Variants in THSD7B observed in about 807,000 individuals in gnomAD.
The protein encoded by THSD7B is thrombospondin type 1 domain containing 7B, also known as thrombospondin type-1 domain-containing protein 7B.
Under a neutral mutation model 213.6 loss-of-function variants are expected in THSD7B, and 138 were observed. The observed-to-expected ratio is 0.65, with a 90% CI of 0.56 to 0.74. THSD7B has a LOEUF of 0.74. THSD7B is among the 30% of genes least tolerant of loss of function. The probability of loss-of-function intolerance (pLI) is 0.00; values close to 1 mark genes in which losing one functional copy is unlikely to be tolerated. For synonymous variants in THSD7B, 742 were observed against 687.0 expected (o/e 1.08, Z -1.25); for missense variants, 1,931 against 1,991.5 (o/e 0.97, Z 0.58).
intron 2 of THSD7B, among the ~76,000 whole-genome samples, chr2:136,957,636 G>T (rs759663951): frequency 6.6e-6 from 1 of 152,024 alleles, no homozygotes; most frequent in Non-Finnish European, 1.5e-5. Flanking sequence ...TACATAATGC[G>T]ATAGAAACAA....
chr2:137,361,637 T>A (rs1206955874), intron 12 of THSD7B, among the ~76,000 whole-genome samples: 1 of 152,088 alleles, frequency 6.6e-6, no homozygotes, highest in Non-Finnish European at 1.5e-5. Context: ...GTATAAGTGA[T>A]TGAAGATCAA....
chr2:137,635,829 G>A (rs1014589904), intron 20 of THSD7B, among the ~76,000 whole-genome samples: 7 of 151,450 alleles, frequency 4.6e-5, no homozygotes, highest in Admixed American at 2.0e-4. Context: ...CTCAGCCTCC[G>A]AATAGCTGAG....
At chr2:137,196,356 C>G (rs1680759791) in intron 7 of THSD7B, among the ~76,000 whole-genome samples, 1 of 143,216 alleles carries the variant, frequency 7.0e-6, no homozygotes, top group Non-Finnish European at 1.5e-5. Flanking sequence ...AGCCTTTTAG[C>G]TGGAGATGGA....
At chr2:137,021,545 CTATT>C (rs1686446154) in intron 2 of THSD7B, among the ~76,000 whole-genome samples, 4 of 152,214 alleles carry the variant, frequency 2.6e-5, no homozygotes, top group East Asian at 3.9e-4. Context: ...AAAAATTAAA[CTATT>C]TATTTTGTGA....
At chr2:137,416,036 A>G (rs1349444152) in intron 14 of THSD7B, among the ~76,000 whole-genome samples, 18 of 152,216 alleles carry the variant, frequency 1.2e-4, no homozygotes, top group Non-Finnish European at 1.5e-5. Context: ...CAACACCTAC[A>G]GTGTCAGAAA....
intron 5 of THSD7B, among the ~76,000 whole-genome samples, chr2:137,150,758 G>A (rs143276564): frequency 1.6e-4 from 25 of 152,244 alleles, no homozygotes; most frequent in African/African-American, 5.5e-4. Context: ...ACATCATAGA[G>A]TGTACTTACA....
intron 1 of THSD7B, among the ~76,000 whole-genome samples, chr2:136,857,450 G>T (rs569700519): frequency 6.6e-6 from 1 of 152,210 alleles, no homozygotes; most frequent in Non-Finnish European, 1.5e-5. Context: ...AACTGCCAAA[G>T]TGTTAAAGCA....
At chr2:136,914,451 G>A (rs1684318815) in intron 2 of THSD7B, among the ~76,000 whole-genome samples, 1 of 152,186 alleles carries the variant, frequency 6.6e-6, no homozygotes, top group Non-Finnish European at 1.5e-5. Context: ...AGATTTGGGA[G>A]GGACCAGGGT....
At chr2:137,280,990 T>A (rs1558740912) in intron 12 of THSD7B, among the ~76,000 whole-genome samples, 1 of 152,134 alleles carries the variant, frequency 6.6e-6, no homozygotes, top group Non-Finnish European at 1.5e-5. Flanking sequence ...AGCCCGTGAG[T>A]ATACTCTGTC....
rs895875407 is a variant in THSD7B at position 137,194,362 on chromosome 2, T to G, written c.1723+23424T>G. On this transcript the variant is annotated intron_variant, in intron 7 of 27. Transcript: ENST00000409968. The stretch of plus-strand genomic sequence containing the variant: ...GAAAAAGAGACTTCCCTGTGTATGG[T>G]ATTGAGAGTTTCCTCCAGTTTAGAG... Among the ~76,000 whole-genome samples, 6 of 152,288 alleles carry G rather than the reference T, an allele frequency of 3.9e-5. No individual in the cohort carries two copies. The East Asian group carries it at 1.2e-3, about 29-fold the overall frequency.
intron 12 of THSD7B, among the ~76,000 whole-genome samples, chr2:137,317,274 A>G (rs868520524): frequency 3.7e-4 from 57 of 152,206 alleles, no homozygotes; most frequent in African/African-American, 1.2e-3. Context: ...TACAAACATC[A>G]AGTATTATTT....
In THSD7B at chr2:137,175,392, A is replaced by G. The variant is rs538339002; in HGVS notation, c.1723+4454A>G. On this transcript the variant is annotated intron_variant, in intron 7 of 27. Transcript: ENST00000409968. ...TGAAGAGTGTAATAGATCACAAAGA[A>G]CAAAGTTCACATGTTGAGAGGCATG... Among the ~76,000 whole-genome samples, 242 of 152,346 alleles carry G rather than the reference A, an allele frequency of 1.6e-3. 1 individual carries two copies. The highest frequency in any genetic ancestry group is 3.3e-3 in the South Asian group (16 of 4,832).
At position 137,380,538 on chromosome 2, in the gene THSD7B, G is replaced by A. The variant is rs142845031; in HGVS notation, c.2501-25075G>A. ...ATGGAAGTGACTTTATAGAAGCAGA[G>A]GGACAGATGGAAAGGGATGTGAAGA... On this transcript the variant is annotated intron_variant, in intron 12 of 27. Transcript: ENST00000409968. 5.1e-3 allele frequency among the ~76,000 whole-genome samples: 777 copies of A among 152,308 alleles called. 5 individuals are homozygous for A. The highest frequency in any genetic ancestry group is 0.018 in the African/African-American group (738 of 41,560).
intron 15 of THSD7B, among the ~76,000 whole-genome samples, chr2:137,559,210 A>G (rs1336661981): frequency 6.6e-6 from 1 of 152,168 alleles, no homozygotes; most frequent in Non-Finnish European, 1.5e-5. Context: ...ATTGGAAAAA[A>G]CTACTTTAAA....
intron 17 of THSD7B, among the ~76,000 whole-genome samples, chr2:137,611,267 T>C (rs1043306070): frequency 1.3e-5 from 2 of 151,932 alleles, no homozygotes; most frequent in Non-Finnish European, 2.9e-5. Flanking sequence ...TGAATATATA[T>C]ATATAATCTT....
intron 2 of THSD7B, among the ~76,000 whole-genome samples, chr2:137,027,641 G>A (rs556698653): frequency 6.6e-6 from 1 of 152,274 alleles, no homozygotes; most frequent in Admixed American, 6.5e-5. Context: ...CAGTATGTGT[G>A]CAGGCATGTG....
At chr2:137,598,646 C>A (rs1184041034) in intron 17 of THSD7B, among the ~76,000 whole-genome samples, 1 of 152,140 alleles carries the variant, frequency 6.6e-6, no homozygotes, top group Admixed American at 6.5e-5. Context: ...AAATGTGCAT[C>A]CCTGAGAATA....
chr2:137,552,344 G>A (rs1271166011), intron 15 of THSD7B, among the ~76,000 whole-genome samples: 2 of 152,188 alleles, frequency 1.3e-5, no homozygotes, highest in Non-Finnish European at 2.9e-5. Context: ...TTGGAGGATA[G>A]TGATGTGCCT....
intron 14 of THSD7B, among the ~76,000 whole-genome samples, chr2:137,439,052 G>A (rs1040305729): frequency 4.2e-4 from 64 of 152,188 alleles, no homozygotes; most frequent in African/African-American, 1.5e-3. Context: ...CAGAAACTAG[G>A]AAAGGCAAGG....
Sources: allele counts gnomAD v4.1 joint callset (sites outside exome capture counted in the v4.1 genomes callset), GRCh38; gene constraint gnomAD v4.1.1; transcripts MANE v1.5; gene names NCBI Gene and HGNC (gene_info 2026-07-23, HGNC 2026-07-21).